RBFOX1: variants seen among roughly 807,000 people sequenced by gnomAD.
RBFOX1 encodes the protein RNA binding protein fox-1 homolog 1.
Under a neutral mutation model 57.7 loss-of-function variants are expected in RBFOX1, and 8 were observed. That is an observed-to-expected ratio of 0.14 (90% confidence interval 0.08 to 0.25). The LOEUF (loss-of-function observed/expected upper bound fraction) is 0.25, where lower values mean the gene tolerates loss of function less well. Among genes scored for constraint, RBFOX1 ranks in the 10% least tolerant of loss-of-function variants. The pLI is 1.00. For synonymous variants in RBFOX1, 326 were observed against 222.4 expected (o/e 1.47, Z -4.15); for missense variants, 611 against 548.5 (o/e 1.11, Z -1.14).
intron 4 of RBFOX1, among the ~76,000 whole-genome samples, chr16:5,941,209 C>A (rs1379781379): frequency 6.6e-6 from 1 of 151,830 alleles, no homozygotes; most frequent in Non-Finnish European, 1.5e-5. Flanking sequence ...TAAAGAAGGG[C>A]CCAGGAGTGA....
intron 4 of RBFOX1, among the ~76,000 whole-genome samples, chr16:5,917,973 A>T (rs1047556816): frequency 2.6e-5 from 4 of 151,980 alleles, no homozygotes; most frequent in Admixed American, 2.6e-4. Flanking sequence ...GTCACAAGTT[A>T]TGCTCTCCCC....
intron 2 of RBFOX1, among the ~76,000 whole-genome samples, chr16:6,527,429 T>G (rs1466913349): frequency 6.6e-6 from 1 of 152,132 alleles, no homozygotes; most frequent in Non-Finnish European, 1.5e-5. Context: ...AATGTATTTT[T>G]GGGGCTTGGG....
chr16:5,934,576 G>A (rs1452435427), intron 4 of RBFOX1, among the ~76,000 whole-genome samples: 1 of 152,158 alleles, frequency 6.6e-6, no homozygotes, highest in Non-Finnish European at 1.5e-5. Flanking sequence ...ATCCCGCCAA[G>A]TGTTTTAAAA....
chr16:7,697,485 G>A (rs1244981560), intron 14 of RBFOX1, among the ~76,000 whole-genome samples: 5 of 150,088 alleles, frequency 3.3e-5, no homozygotes, highest in East Asian at 2.0e-4. Flanking sequence ...CATTTATTGA[G>A]CAAATTATGT....
chr16:6,024,965 C>G (rs1327082369), intron 1 of RBFOX1, among the ~76,000 whole-genome samples: 1 of 152,192 alleles, frequency 6.6e-6, no homozygotes, highest in Non-Finnish European at 1.5e-5. Flanking sequence ...GACCAACAAG[C>G]ACAACGATCC....
At chr16:7,642,491 G>C (rs1301360566) in intron 11 of RBFOX1, among the ~76,000 whole-genome samples, 1 of 152,098 alleles carries the variant, frequency 6.6e-6, no homozygotes, top group African/African-American at 2.4e-5. Context: ...CAGGAGCTGC[G>C]TCAGCCCAAG....
At chr16:7,232,170 C>CAT (rs1465899033) in intron 4 of RBFOX1, among the ~76,000 whole-genome samples, 2 of 152,082 alleles carry the variant, frequency 1.3e-5, no homozygotes, top group Non-Finnish European at 1.5e-5. Context: ...ACTACAGGTA[C>CAT]ATACCACCAG....
At chr16:5,537,571 G>C (rs2151050963) in intron 2 of RBFOX1, among the ~76,000 whole-genome samples, 2 of 152,324 alleles carry the variant, frequency 1.3e-5, no homozygotes, top group Middle Eastern at 3.4e-3. Context: ...CTTCCTTGTG[G>C]TTGTGGGACT....
intron 2 of RBFOX1, among the ~76,000 whole-genome samples, chr16:6,516,333 T>G (rs1439920009): frequency 6.6e-6 from 1 of 152,218 alleles, no homozygotes; most frequent in African/African-American, 2.4e-5. Context: ...TAAGCTGCTA[T>G]CTAATCCTCA....
intron 3 of RBFOX1, among the ~76,000 whole-genome samples, chr16:5,677,430 C>A (rs1226297297): frequency 6.6e-6 from 1 of 152,126 alleles, no homozygotes; most frequent in Non-Finnish European, 1.5e-5. Flanking sequence ...TCCCTGTTTA[C>A]AGTAGATAAA....
At chr16:5,718,518 A>G (rs1162394777) in intron 3 of RBFOX1, among the ~76,000 whole-genome samples, 4 of 152,266 alleles carry the variant, frequency 2.6e-5, no homozygotes, top group Non-Finnish European at 4.4e-5. Context: ...GTGAAATACA[A>G]GGCTTGGAAG....
At chr16:7,382,469 C>G (rs1031246162) in intron 4 of RBFOX1, among the ~76,000 whole-genome samples, 1 of 152,116 alleles carries the variant, frequency 6.6e-6, no homozygotes, top group Admixed American at 6.5e-5. Flanking sequence ...AATGAAAGTA[C>G]TTGGTTTCTT....
chr16:7,015,079 C>A (rs568874233), intron 3 of RBFOX1, among the ~76,000 whole-genome samples: 1 of 152,268 alleles, frequency 6.6e-6, no homozygotes, highest in African/African-American at 2.4e-5. Context: ...CTTTTTCTTG[C>A]ATTATGGAAT....
intron 1 of RBFOX1, among the ~76,000 whole-genome samples, chr16:6,155,234 A>G (rs2096830200): frequency 1.3e-5 from 2 of 152,210 alleles, no homozygotes; most frequent in African/African-American, 2.4e-5. Context: ...CCTCTGGGGC[A>G]TCCAGGAGAC....
intron 1 of RBFOX1, among the ~76,000 whole-genome samples, chr16:5,362,070 TAA>T (rs1368087529): frequency 1.3e-5 from 2 of 152,246 alleles, no homozygotes; most frequent in East Asian, 3.8e-4. Flanking sequence ...TAAGAACATT[TAA>T]CTTAATATTG....
At chr16:6,721,105 C>G (rs1459635744) in intron 3 of RBFOX1, among the ~76,000 whole-genome samples, 1 of 151,724 alleles carries the variant, frequency 6.6e-6, no homozygotes, top group Non-Finnish European at 1.5e-5. Context: ...CTTTATGTAA[C>G]CATTTTAAAA....
chr16:6,147,470 C>G (rs772658638), intron 1 of RBFOX1, among the ~76,000 whole-genome samples: 1 of 152,152 alleles, frequency 6.6e-6, no homozygotes, highest in Non-Finnish European at 1.5e-5. Flanking sequence ...CTAATTCACT[C>G]ATGGGTCAAA....
rs1246781308 is a variant in RBFOX1 at position 5,785,562 on chromosome 16, T to C, written c.319-81741T>C. 6.6e-5 allele frequency among the ~76,000 whole-genome samples: 10 copies of C among 152,070 alleles called. 1 individual carries two copies. The highest frequency in any genetic ancestry group is 9.7e-5 in the African/African-American group (4 of 41,404). On this transcript the variant is annotated intron_variant, in intron 3 of 19. Transcript: ENST00000641259. The stretch of plus-strand genomic sequence containing the variant: ...CTTTTTTTGAGGCGGAGTTTCACTC[T>C]TGTTGCCCAGACTGGAGTGCAATGG...
At chr16:5,606,668 G>T (rs932997262) in intron 3 of RBFOX1, among the ~76,000 whole-genome samples, 1 of 152,118 alleles carries the variant, frequency 6.6e-6, no homozygotes, top group Non-Finnish European at 1.5e-5. Flanking sequence ...CATAACTGAG[G>T]CACAATCTGA....
Sources: allele counts gnomAD v4.1 joint callset (sites outside exome capture counted in the v4.1 genomes callset), GRCh38; gene constraint gnomAD v4.1.1; transcripts MANE v1.5; gene names NCBI Gene and HGNC (gene_info 2026-07-23, HGNC 2026-07-21).